The following SMYD4 variants were observed in gnomAD, a reference collection of about 807,000 sequenced individuals.
The protein encoded by SMYD4 is protein-lysine N-methyltransferase SMYD4.
A neutral mutation model predicts 72.8 loss-of-function variants in SMYD4; 68 were observed. The observed-to-expected ratio is 0.93, with a 90% CI of 0.77 to 1.14. The LOEUF is 1.14. Among genes scored for constraint, SMYD4 ranks in the 50% most tolerant of loss-of-function variants. The pLI, the probability that SMYD4 is intolerant of heterozygous loss-of-function variation, is 0.00. For missense variants in SMYD4, 984 were observed against 1,003.7 expected (o/e 0.98, Z 0.27); for synonymous variants, 407 against 388.6 (o/e 1.05, Z -0.56).
intron 5 of SMYD4, among the ~76,000 whole-genome samples, chr17:1,794,276 A>ATT (rs57986348): frequency 1.6e-5 from 2 of 128,438 alleles, no homozygotes; most frequent in Admixed American, 7.9e-5. Context: ...CACCAGGCTA[A>ATT]TTTTTTTTTT....
intron 3 of SMYD4, among the ~76,000 whole-genome samples, chr17:1,808,035 C>T (rs1186842424): frequency 1.3e-5 from 2 of 152,106 alleles, no homozygotes; most frequent in African/African-American, 4.8e-5. Flanking sequence ...CATAGTCTGC[C>T]AGAGGGGATG....
chr17:1,829,866 C>T lies in SMYD4; in HGVS notation c.-153G>A, dbSNP rs1911444957. The T allele has an allele frequency of 1.1e-5, 4 of 356,248 alleles. No homozygotes were observed. The highest frequency in any genetic ancestry group is 4.3e-5 in the African/African-American group (2 of 46,592). The allele number at this position is 356,248 out of a possible 1,614,324, so 22.1% of individuals were successfully genotyped here. A position where few individuals can be genotyped will look rare whatever the true frequency, so the allele number is the denominator to read the frequency against. On this transcript the variant is annotated 5_prime_UTR_variant, in exon 1 of 11. Transcript: ENST00000305513. The stretch of plus-strand genomic sequence containing the variant: ...GCCCCGCTCCGCCCCGCACCGCGTC[C>T]GGCGTCCCGCGCCAGGCCTCGCTTG...
At position 1,826,491 on chromosome 17, in the gene SMYD4, C is replaced by CAA. The variant is rs111636314; in HGVS notation, c.134+1368_134+1369dup. Among the ~76,000 whole-genome samples, 23 of 103,106 alleles carry CAA rather than the reference C, an allele frequency of 2.2e-4. 1 individual carries two copies. The highest frequency in any genetic ancestry group is 1.2e-3 in the South Asian group (3 of 2,570). 67.6% of individuals were successfully genotyped at this position (103,106 alleles called of 152,430 possible). The stretch of plus-strand genomic sequence containing the variant: ...TGGGCAACAAGAGCAAAACTCTGTC[C>CAA]AAAAAAAAAAAAAAAAAAAAAAAAA... On this transcript the variant is annotated intron_variant, in intron 2 of 10. Transcript: ENST00000305513.
At chr17:1,818,626 C>T (rs889793027) in intron 2 of SMYD4, among the ~76,000 whole-genome samples, 6 of 152,004 alleles carry the variant, frequency 3.9e-5, no homozygotes, top group African/African-American at 1.4e-4. Flanking sequence ...TTCTCTTTAG[C>T]CTCTTTTTAG....
intron 2 of SMYD4, among the ~76,000 whole-genome samples, chr17:1,817,032 C>T (rs1214964478): frequency 7.0e-6 from 1 of 143,858 alleles, no homozygotes; most frequent in African/African-American, 2.6e-5. Flanking sequence ...TTGATACTGT[C>T]CTTGGTGCAC....
intron 5 of SMYD4, among the ~76,000 whole-genome samples, chr17:1,798,889 T>C (rs575975104): frequency 7.3e-6 from 1 of 137,030 alleles, no homozygotes; most frequent in African/African-American, 3.0e-5. Flanking sequence ...AGAGCAAGAC[T>C]CTGTCTCAAA....
In SMYD4 at chr17:1,781,369, A is replaced by G; in HGVS notation, c.2332T>C (p.Trp778Arg). The stretch of plus-strand genomic sequence containing the variant: ...TGGAGCTCCTGGATTTCATCGTCCC[A>G]TGGGCCACAGTGCAGCGACAGAACC... ...EEVLSLHCGP[W>R]DDEIQELQKM... is the part of the protein sequence containing the mutation. The change falls in exon 11 of 11, where the codon TGG becomes CGG. Residue 778 changes from tryptophan to arginine, a missense_variant. By Grantham distance (101) the Trp-to-Arg change is moderately radical (BLOSUM62 -3). Coordinates refer to ENST00000305513, the MANE Select transcript of SMYD4 (RefSeq NM_052928.3). 2 of 1,614,100 alleles carry G rather than the reference A, an allele frequency of 1.2e-6. No homozygotes were observed. Among genetic ancestry groups the G allele is most frequent in the African/African-American group, 1.3e-5 (1 of 75,034 alleles).
chr17:1,816,391 G>A (rs945378481), intron 2 of SMYD4, among the ~76,000 whole-genome samples: 3 of 151,638 alleles, frequency 2.0e-5, no homozygotes, highest in Admixed American at 6.6e-5. Flanking sequence ...AGGCCGAGGC[G>A]GGTGGATCAC....
intron 3 of SMYD4, among the ~76,000 whole-genome samples, chr17:1,809,697 T>C (rs1193311434): frequency 9.2e-6 from 1 of 109,156 alleles, no homozygotes. Context: ...TTTGAGACAG[T>C]CTCGCTCTGT....
At chr17:1,810,406 G>A (rs1166080736) in intron 3 of SMYD4, among the ~76,000 whole-genome samples, 3 of 152,020 alleles carry the variant, frequency 2.0e-5, no homozygotes, top group East Asian at 1.9e-4. Context: ...GCGTGGTGCC[G>A]CATACCTGTA....
intron 2 of SMYD4, 124 bp from the exon 3 acceptor site, chr17:1,812,239 C>T (rs1341288334): frequency 1.1e-5 from 12 of 1,111,190 alleles, no homozygotes; most frequent in Non-Finnish European, 1.5e-5. Context: ...AGGATATGTA[C>T]ATTGTGCAAT....
At chr17:1,804,819 G>T in intron 3 of SMYD4, 104 bp from the exon 4 acceptor site, 1 of 1,133,404 alleles carries the variant, frequency 8.8e-7, no homozygotes. Context: ...TGTGAAACTG[G>T]GAAAGTTACT....
intron 4 of SMYD4, among the ~76,000 whole-genome samples, chr17:1,801,843 G>A (rs747572045): frequency 2.0e-5 from 3 of 151,830 alleles, no homozygotes; most frequent in Admixed American, 6.6e-5. Flanking sequence ...GGGCGTGGTG[G>A]TGGGCGCCTG....
intron 5 of SMYD4, among the ~76,000 whole-genome samples, chr17:1,789,294 C>G (rs571512533): frequency 7.9e-5 from 12 of 151,854 alleles, no homozygotes; most frequent in Admixed American, 6.6e-4. Flanking sequence ...AGGCGAGGTA[C>G]GAGAATTGCT....
intron 5 of SMYD4, among the ~76,000 whole-genome samples, chr17:1,794,068 T>A (rs186029161): frequency 1.6e-5 from 1 of 61,254 alleles, no homozygotes; most frequent in Non-Finnish European, 3.5e-5. Flanking sequence ...TATATATATG[T>A]GTATATATAT....
chr17:1,822,960 G>A (rs1910967851), intron 2 of SMYD4, among the ~76,000 whole-genome samples: 1 of 152,102 alleles, frequency 6.6e-6, no homozygotes, highest in Non-Finnish European at 1.5e-5. Context: ...TTAAAGAAAT[G>A]GACATACCCT....
At chr17:1,792,880 C>T (rs553686782) in intron 5 of SMYD4, among the ~76,000 whole-genome samples, 24 of 152,116 alleles carry the variant, frequency 1.6e-4, no homozygotes, top group African/African-American at 5.5e-4. Context: ...TAAGATTGGG[C>T]AAACAGTACC....
At chr17:1,784,650 G>GTA in intron 7 of SMYD4, 189 bp from the exon 8 acceptor site, 1 of 814,968 alleles carries the variant, frequency 1.2e-6, no homozygotes, top group South Asian at 5.6e-5. Flanking sequence ...CTAATGAAGT[G>GTA]TATCAGCAGT....
In SMYD4 at chr17:1,800,491, C is replaced by T; in HGVS notation, c.903G>A (p.Lys301=). The T allele has an allele frequency of 6.2e-7, 1 of 1,614,180 alleles. No individual in the cohort carries two copies. The highest frequency in any genetic ancestry group is 2.2e-5 in the East Asian group (1 of 44,876). ...CACACGGAACTGTGGCCAAAGTGTG[C>T]TTCAAACATCGGTGACAATAGAGGT... is the stretch of plus-strand genomic sequence containing the variant. ...NGDLYCHRCL[K]HTLATVPCDG... Residue 301 remains lysine (K), a synonymous_variant, in exon 5 of 11, where the codon AAG becomes AAA. Transcript: ENST00000305513.
Sources: gnomAD v4.1 joint callset for allele counts (sites outside exome capture counted in the v4.1 genomes callset) on GRCh38, gnomAD v4.1.1 for gene constraint, MANE v1.5 for transcripts, NCBI Gene and HGNC (gene_info 2026-07-23, HGNC 2026-07-21) for gene names.